Variants in LRFN2 observed in about 807,000 individuals in gnomAD.
LRFN2 encodes the protein leucine rich repeat and fibronectin type III domain containing 2.
A neutral mutation model predicts 37.3 loss-of-function variants in LRFN2; 18 were observed. That is an observed-to-expected ratio of 0.48 (90% CI 0.33 to 0.72). The LOEUF (loss-of-function observed/expected upper bound fraction) is 0.72, where lower values mean the gene tolerates loss of function less well. Ranked by LOEUF, LRFN2 falls within the 30% of genes least tolerant of loss-of-function variation. The pLI is 0.02. For synonymous variants in LRFN2, 556 were observed against 466.6 expected (o/e 1.19, Z -2.47); for missense variants, 1,006 against 1,060.7 (o/e 0.95, Z 0.72).
rs543364964 is a variant in LRFN2, at chr6:40,500,185, G to A, written c.-18-67054C>T. 2.1e-4 allele frequency among the ~76,000 whole-genome samples: 32 copies of A among 152,362 alleles called. 1 individual carries two copies. In the South Asian group the frequency reaches 3.1e-3, roughly 15 times the overall value. The stretch of plus-strand genomic sequence containing the variant: ...CACAGGTTCTCCCCGGAGACCGGGA[G>A]GCTCTGCTGTGCTGACTACTCTGCC... On this transcript the variant is annotated intron_variant, in intron 1 of 2. Coordinates refer to ENST00000338305, the MANE Select transcript of LRFN2 (RefSeq NM_020737.3).
At chr6:40,485,274 A>G (rs1581741573) in intron 1 of LRFN2, among the ~76,000 whole-genome samples, 1 of 152,130 alleles carries the variant, frequency 6.6e-6, no homozygotes, top group Non-Finnish European at 1.5e-5. Context: ...TCTCCCGGGC[A>G]TCGTGGAGAG....
At chr6:40,523,871 C>T (rs1766163868) in intron 1 of LRFN2, 1 of 152,148 alleles carries the variant, frequency 6.6e-6, no homozygotes, top group African/African-American at 2.4e-5. Flanking sequence ...AGTTGACTGG[C>T]CCAAGGACAG....
At chr6:40,486,289 G>A (rs144634223) in intron 1 of LRFN2, among the ~76,000 whole-genome samples, 30 of 152,296 alleles carry the variant, frequency 2.0e-4, no homozygotes, top group African/African-American at 7.0e-4. Flanking sequence ...GCAGAATCAA[G>A]TGGGAATACA....
At chr6:40,579,613 A>AAC (rs34819147) in intron 1 of LRFN2, among the ~76,000 whole-genome samples, 49,565 of 144,888 alleles carry the variant, frequency 0.34, 8,589 homozygotes, top group African/African-American at 0.46. Flanking sequence ...AACACACACA[A>AAC]ACACACACAC....
intron 1 of LRFN2, among the ~76,000 whole-genome samples, chr6:40,526,789 C>G (rs572962034): frequency 6.6e-6 from 1 of 152,178 alleles, no homozygotes; most frequent in Non-Finnish European, 1.5e-5. Flanking sequence ...CAGGAACCAC[C>G]CTTAGCCCAC....
At chr6:40,563,554 T>G (rs927536908) in intron 1 of LRFN2, among the ~76,000 whole-genome samples, 20 of 152,150 alleles carry the variant, frequency 1.3e-4, no homozygotes, top group Admixed American at 2.6e-4. Context: ...AACACTGTTT[T>G]TAGTGACTAA....
rs768838308 is a variant in LRFN2 at position 40,431,952 on chromosome 6, G to A, written c.1162C>T (p.Arg388Cys). The A allele has an allele frequency of 6.8e-6, 11 of 1,613,590 alleles. No homozygotes were observed. Among genetic ancestry groups the A allele is most frequent in the Middle Eastern group, 1.7e-4 (1 of 6,046 alleles). ...QLPHLSNSTS[R>C]TAPPKSRLSD... ...AGGCGGGACTTGGGGGGTGCAGTGCGGCTGGTGCTGTTGCTGAGGTGTGGC... is the reference window on the plus strand; with the variant it reads ...AGGCGGGACTTGGGGGGTGCAGTGCAGCTGGTGCTGTTGCTGAGGTGTGGC... The change falls in exon 2 of 3, where the codon CGC becomes TGC. Residue 388 changes from arginine to cysteine, a missense_variant. Arg to Cys is a radical substitution (Grantham distance 180, BLOSUM62 -3). Transcript: ENST00000338305.
At chr6:40,515,969 T>G (rs1427337388) in intron 1 of LRFN2, among the ~76,000 whole-genome samples, 1 of 149,140 alleles carries the variant, frequency 6.7e-6, no homozygotes, top group Admixed American at 6.7e-5. Flanking sequence ...GCTCACTCAC[T>G]CCTCAGGTGG....
intron 1 of LRFN2, among the ~76,000 whole-genome samples, chr6:40,554,267 C>T (rs1766828760): frequency 1.3e-5 from 2 of 152,146 alleles, no homozygotes; most frequent in African/African-American, 4.8e-5. Flanking sequence ...TTTATGAGAC[C>T]ACCTCAGTTT....
intron 2 of LRFN2, among the ~76,000 whole-genome samples, chr6:40,409,174 C>A (rs750807451): frequency 2.0e-5 from 3 of 152,230 alleles, no homozygotes; most frequent in Non-Finnish European, 2.9e-5. Flanking sequence ...ATGAAGCCCT[C>A]AGTCATTTCA....
chr6:40,562,833 A>T (rs1356847588), intron 1 of LRFN2, among the ~76,000 whole-genome samples: 3 of 135,344 alleles, frequency 2.2e-5, no homozygotes, highest in African/African-American at 9.2e-5. Context: ...GCGTGCACTC[A>T]CTCACACACA....
intron 1 of LRFN2, among the ~76,000 whole-genome samples, chr6:40,449,244 T>C (rs567201151): frequency 2.6e-5 from 4 of 151,646 alleles, no homozygotes; most frequent in African/African-American, 9.8e-5. Flanking sequence ...CCACAATGTG[T>C]TTATAAATCA....
intron 1 of LRFN2, among the ~76,000 whole-genome samples, chr6:40,561,285 G>T (rs1766989323): frequency 6.6e-6 from 1 of 152,208 alleles, no homozygotes; most frequent in Non-Finnish European, 1.5e-5. Flanking sequence ...GCTGGCCTGG[G>T]CCCAGGCCCT....
At chr6:40,463,231 T>C (rs918294130) in intron 1 of LRFN2, among the ~76,000 whole-genome samples, 1 of 152,182 alleles carries the variant, frequency 6.6e-6, no homozygotes, top group African/African-American at 2.4e-5. Context: ...TCACTCAAAG[T>C]CATACTTTGT....
At chr6:40,575,485 T>G (rs1403386134) in intron 1 of LRFN2, among the ~76,000 whole-genome samples, 1 of 152,194 alleles carries the variant, frequency 6.6e-6, no homozygotes, top group African/African-American at 2.4e-5. Context: ...ACTCTGCGCC[T>G]GCCCTTCTGC....
rs763491074 is a variant in LRFN2, at chr6:40,431,948, G to GTGCGGC, written c.1160_1165dup (p.Ser387_Arg388dup). On this transcript the variant is annotated inframe_insertion, in exon 2 of 3. Transcript: ENST00000338305. ...TGAGAGGCGGGACTTGGGGGGTGCA[G>GTGCGGC]TGCGGCTGGTGCTGTTGCTGAGGTG... 6.2e-7 allele frequency: 1 copy of GTGCGGC among 1,613,550 alleles called. No individual in the cohort carries two copies. The highest frequency in any genetic ancestry group is 1.7e-5 in the Admixed American group (1 of 60,016).
intron 1 of LRFN2, among the ~76,000 whole-genome samples, chr6:40,460,406 T>G (rs536467167): frequency 6.6e-6 from 1 of 152,190 alleles, no homozygotes; most frequent in South Asian, 2.1e-4. Flanking sequence ...GAGGCTCTCA[T>G]ATAATCTTGT....
chr6:40,443,356 G>T (rs1263871449), intron 1 of LRFN2, among the ~76,000 whole-genome samples: 1 of 152,194 alleles, frequency 6.6e-6, no homozygotes, highest in Non-Finnish European at 1.5e-5. Flanking sequence ...CCCATCTGGG[G>T]GATTCCCACA....
At chr6:40,486,747 G>A (rs985315114) in intron 1 of LRFN2, among the ~76,000 whole-genome samples, 3 of 152,188 alleles carry the variant, frequency 2.0e-5, no homozygotes, top group East Asian at 1.9e-4. Context: ...ATGGGGATAC[G>A]CTACAGAATC....
Sources: allele counts gnomAD v4.1 joint callset (sites outside exome capture counted in the v4.1 genomes callset), GRCh38; gene constraint gnomAD v4.1.1; transcripts MANE v1.5; gene names NCBI Gene and HGNC (gene_info 2026-07-23, HGNC 2026-07-21).